MAPK10: variants seen among roughly 807,000 people sequenced by gnomAD.
MAPK10 encodes the protein JNK3 alpha protein kinase.
Under a neutral mutation model 59.3 loss-of-function variants are expected in MAPK10, and 25 were observed. The ratio of observed to expected loss-of-function variants is 0.42; its 90% CI spans 0.31 to 0.59. The LOEUF is 0.59. MAPK10 is among the 20% of genes least tolerant of loss of function. MAPK10 has a pLI of 0.15. For synonymous variants in MAPK10, 190 were observed against 200.5 expected, an observed-to-expected ratio of 0.95 and a Z score of 0.44; for missense variants, 351 against 568.9, an observed-to-expected ratio of 0.62 and a Z score of 3.90.
chr4:86,190,370 G>T lies in MAPK10; in HGVS notation c.66+3966C>A, dbSNP rs555292324. On this transcript the variant is annotated intron_variant, in intron 3 of 13. Coordinates refer to ENST00000641462, the MANE Select transcript of MAPK10 (RefSeq NM_138982.4). Reference sequence around the variant, plus strand: ...GTAGAATTCAGCTGTGAATCTGTCTGGTCCTGGGCTTTTTTTGGTTGGTAG... The same window carrying T: ...GTAGAATTCAGCTGTGAATCTGTCTTGTCCTGGGCTTTTTTTGGTTGGTAG... 6.4e-4 allele frequency among the ~76,000 whole-genome samples: 97 copies of T among 152,222 alleles called. No individual in the cohort carries two copies. In the South Asian group the frequency reaches 0.011, roughly 17 times the overall value.
chr4:86,533,215 G>C (rs1411764481), intron 1 of MAPK10, among the ~76,000 whole-genome samples: 3 of 152,120 alleles, frequency 2.0e-5, no homozygotes, highest in Non-Finnish European at 4.4e-5. Flanking sequence ...TACATAGAGA[G>C]AGAAAGTAAA....
intron 1 of MAPK10, among the ~76,000 whole-genome samples, chr4:86,423,429 A>T (rs1263305056): frequency 2.6e-5 from 4 of 152,200 alleles, no homozygotes; most frequent in Admixed American, 6.5e-5. Context: ...AGGAATAAAT[A>T]AGACATTAAA....
At chr4:86,513,057 C>T (rs1756400835) in intron 1 of MAPK10, among the ~76,000 whole-genome samples, 2 of 152,046 alleles carry the variant, frequency 1.3e-5, no homozygotes, top group South Asian at 2.1e-4. Flanking sequence ...CCTAGAACAT[C>T]CTTTTTTTCT....
intron 3 of MAPK10, chr4:86,170,919 C>T (rs1349727640): frequency 2.0e-5 from 3 of 151,656 alleles, no homozygotes; most frequent in African/African-American, 7.3e-5. Flanking sequence ...GATTAAGAAA[C>T]TCACTCAAAA....
intron 1 of MAPK10, among the ~76,000 whole-genome samples, chr4:86,489,438 G>T (rs1345115496): frequency 6.6e-6 from 1 of 151,756 alleles, no homozygotes; most frequent in African/African-American, 2.4e-5. Context: ...ATATGTTTTG[G>T]GACCTCAAAA....
At chr4:86,123,145 A>G (rs1350832605) in intron 4 of MAPK10, among the ~76,000 whole-genome samples, 2 of 152,078 alleles carry the variant, frequency 1.3e-5, no homozygotes, top group African/African-American at 2.4e-5. Flanking sequence ...GAGGTCATAC[A>G]GTATTTGTCT....
chr4:86,308,044 G>C (rs561225889), intron 2 of MAPK10, among the ~76,000 whole-genome samples: 29 of 152,206 alleles, frequency 1.9e-4, no homozygotes, highest in Non-Finnish European at 3.5e-4. Flanking sequence ...ACAGAGAAAG[G>C]CCTGTCGAAA....
intron 1 of MAPK10, 46 bp from the exon 2 acceptor site, chr4:86,354,690 A>C (rs183601211): frequency 1.8e-4 from 146 of 826,674 alleles, no homozygotes; most frequent in Non-Finnish European, 2.2e-4. Context: ...TTAAGATTTA[A>C]ATTTGTATTT....
intron 1 of MAPK10, among the ~76,000 whole-genome samples, chr4:86,552,982 T>C (rs894493229): frequency 4.6e-5 from 7 of 152,186 alleles, no homozygotes; most frequent in African/African-American, 1.4e-4. Context: ...TGTTGTCCTA[T>C]GAGTAATTAA....
At chr4:86,257,094 C>A (rs1021036266) in intron 2 of MAPK10, among the ~76,000 whole-genome samples, 2 of 152,140 alleles carry the variant, frequency 1.3e-5, no homozygotes, top group Non-Finnish European at 2.9e-5. Context: ...CTTCAAATAT[C>A]ATTTCTTATT....
intron 3 of MAPK10, among the ~76,000 whole-genome samples, chr4:86,170,351 A>T (rs956001754): frequency 6.6e-6 from 1 of 152,182 alleles, no homozygotes; most frequent in Non-Finnish European, 1.5e-5. Context: ...GCTCAAAATA[A>T]AAGGATGGAG....
Position 86,320,053 on chromosome 4 carries a change from T to A in MAPK10, c.-7+34477A>T, listed in dbSNP as rs183337582. ...AGCTCTTGAAAGTAATGAGAAGTAG[T>A]CAAACTTCAAGAGCAACGGTGGTAT... is the stretch of plus-strand genomic sequence containing the variant. On this transcript the variant is annotated intron_variant, in intron 2 of 13. Coordinates refer to ENST00000641462, the MANE Select transcript of MAPK10 (RefSeq NM_138982.4). Among the ~76,000 whole-genome samples the A allele has an allele frequency of 1.8e-3, 280 of 152,294 alleles. 1 individual carries two copies. Among genetic ancestry groups the A allele is most frequent in the African/African-American group, 6.4e-3 (264 of 41,566 alleles).
intron 4 of MAPK10, among the ~76,000 whole-genome samples, chr4:86,129,802 A>C (rs1238300819): frequency 6.6e-6 from 1 of 152,142 alleles, no homozygotes; most frequent in Admixed American, 6.6e-5. Flanking sequence ...CAGTTTGGGA[A>C]CATGAGGCAG....
intron 1 of MAPK10, among the ~76,000 whole-genome samples, chr4:86,355,585 T>TTTTCTA (rs1363035914): frequency 2.6e-5 from 4 of 152,112 alleles, no homozygotes. Flanking sequence ...TGTTACAGTT[T>TTTTCTA]CCCAATTTTT....
chr4:86,191,317 G>A (rs1027460902), intron 3 of MAPK10, among the ~76,000 whole-genome samples: 5 of 151,932 alleles, frequency 3.3e-5, no homozygotes, highest in South Asian at 2.1e-4. Flanking sequence ...TTTCTGCCTC[G>A]TTGATCTGTC....
In MAPK10 at chr4:86,048,581, G is replaced by T. The variant is rs2042943048; in HGVS notation, c.1110+15685C>A. Among the ~76,000 whole-genome samples the T allele has an allele frequency of 2.6e-5, 4 of 151,984 alleles. No homozygotes were observed. In the South Asian group the frequency reaches 8.3e-4, roughly 32 times the overall value. ...CACAAAACAAAAGCAAATGAACAAG[G>T]GAAAGAGGATCTTCAGCCCTCCTAC... On this transcript the variant is annotated intron_variant, in intron 11 of 13. Transcript: ENST00000641462.
intron 3 of MAPK10, among the ~76,000 whole-genome samples, chr4:86,182,216 A>G (rs1381076962): frequency 6.6e-6 from 1 of 152,146 alleles, no homozygotes; most frequent in Admixed American, 6.6e-5. Context: ...AAAAATAATA[A>G]GAGTAACTTC....
chr4:86,540,656 T>C (rs940007088), intron 1 of MAPK10, among the ~76,000 whole-genome samples: 10 of 152,180 alleles, frequency 6.6e-5, no homozygotes, highest in African/African-American at 2.4e-4. Context: ...ACTTAATATA[T>C]TCTTGCCTGA....
intron 2 of MAPK10, among the ~76,000 whole-genome samples, chr4:86,340,158 A>T (rs1226570816): frequency 6.6e-6 from 1 of 152,262 alleles, no homozygotes; most frequent in African/African-American, 2.4e-5. Flanking sequence ...TCAATTAATT[A>T]TCACAGCCAC....
Sources: allele counts gnomAD v4.1 joint callset (sites outside exome capture counted in the v4.1 genomes callset), GRCh38; gene constraint gnomAD v4.1.1; transcripts MANE v1.5; gene names NCBI Gene and HGNC (gene_info 2026-07-23, HGNC 2026-07-21).